Variants in GPAT3 observed in about 807,000 individuals in gnomAD.
GPAT3 encodes the protein 1-AGP acyltransferase 9.
Under a neutral mutation model 58.8 loss-of-function variants are expected in GPAT3, and 53 were observed. The ratio of observed to expected loss-of-function variants is 0.90; its 90% confidence interval spans 0.72 to 1.13. The LOEUF (loss-of-function observed/expected upper bound fraction) is 1.13, where lower values mean the gene tolerates loss of function less well. GPAT3 is among the 50% of genes most tolerant of loss of function. GPAT3 has a pLI of 0.00. For synonymous variants in GPAT3, 197 were observed against 187.4 expected, an observed-to-expected ratio of 1.05 and a Z score of -0.42; for missense variants, 511 against 527.6, an observed-to-expected ratio of 0.97 and a Z score of 0.31.
chr4:83,585,276 A>G (rs544890933), intron 3 of GPAT3, among the ~76,000 whole-genome samples: 1 of 150,908 alleles, frequency 6.6e-6, no homozygotes, highest in African/African-American at 2.4e-5. Context: ...TTGTAATAGT[A>G]TTAATTATAT....
At chr4:83,542,381 G>A (rs962960238) in intron 1 of GPAT3, among the ~76,000 whole-genome samples, 9 of 152,262 alleles carry the variant, frequency 5.9e-5, no homozygotes, top group South Asian at 2.1e-4. Context: ...CACTAAATCC[G>A]CAAAAGATAA....
chr4:83,595,137 C>T, intron 7 of GPAT3, 177 bp downstream of exon 7: 1 of 539,438 alleles, frequency 1.9e-6, no homozygotes, highest in East Asian at 3.2e-5. Context: ...AAATGTAATT[C>T]TGTAGTCATG....
rs755564604 is a variant in GPAT3 at position 83,581,662 on chromosome 4, A to AT, written c.311dup (p.Leu104PhefsTer8). 5.0e-6 allele frequency: 8 copies of AT among 1,613,996 alleles called. No individual in the cohort carries two copies. Among genetic ancestry groups the AT allele is most frequent in the Non-Finnish European group, 6.8e-6 (8 of 1,180,026 alleles). On this transcript the variant is annotated frameshift_variant, in exon 3 of 12. Coordinates refer to ENST00000264409, the MANE Select transcript of GPAT3 (RefSeq NM_032717.5). LOFTEE classifies it high-confidence loss of function. ...ACGTGTTTTATTTCTCCAAGAAGGG[A>AT]TTGGAAGCCATTGTAGAAGATGAAG... is the stretch of plus-strand genomic sequence containing the variant.
chr4:83,547,503 C>T (rs139756909), intron 2 of GPAT3, among the ~76,000 whole-genome samples: 89,116 of 150,724 alleles, frequency 0.59, 27,483 homozygotes, highest in African/African-American at 0.77. Context: ...CTGCCCACCT[C>T]GGCCTCCCAA....
At chr4:83,598,878 C>T (rs113249035) in intron 11 of GPAT3, among the ~76,000 whole-genome samples, 155 bp downstream of exon 11, 12 of 144,018 alleles carry the variant, frequency 8.3e-5, no homozygotes, top group East Asian at 4.3e-4. Flanking sequence ...TAGCCTTGAC[C>T]GCCTGGGCTC....
At chr4:83,585,064 C>A (rs1329249929) in intron 3 of GPAT3, among the ~76,000 whole-genome samples, 2 of 152,028 alleles carry the variant, frequency 1.3e-5, no homozygotes, top group Non-Finnish European at 2.9e-5. Context: ...CTCATTGGGG[C>A]AAGATGGCAA....
In GPAT3 at chr4:83,536,432, G is replaced by A; in HGVS notation, c.-191G>A. 2.9e-6 allele frequency: 4 copies of A among 1,386,914 alleles called. No individual in the cohort carries two copies. In the East Asian group the frequency reaches 8.0e-5, roughly 28 times the overall value. The allele number at this position is 1,386,914 out of a possible 1,614,324, so 85.9% of individuals were successfully genotyped here. ...AAGAGTTAACTGGCAGGGGCGAGGA[G>A]GAGCCCAGGGAGGAAGGAAGGATAT... On this transcript the variant is annotated 5_prime_UTR_variant, in exon 1 of 12. Transcript: ENST00000264409.
At chr4:83,590,507 T>A (rs1452266875) in intron 6 of GPAT3, among the ~76,000 whole-genome samples, 1 of 152,224 alleles carries the variant, frequency 6.6e-6, no homozygotes, top group Non-Finnish European at 1.5e-5. Flanking sequence ...GGTAAAAAAT[T>A]AACTTACTGA....
intron 2 of GPAT3, among the ~76,000 whole-genome samples, chr4:83,549,404 G>A (rs1022457883): frequency 3.3e-5 from 5 of 151,454 alleles, no homozygotes; most frequent in Non-Finnish European, 5.9e-5. Flanking sequence ...CAGTTATGGG[G>A]TTGGAAGGAT....
chr4:83,578,913 CTTT>C (rs1275085547), intron 2 of GPAT3, among the ~76,000 whole-genome samples: 2 of 86,570 alleles, frequency 2.3e-5, no homozygotes, highest in Admixed American at 1.3e-4. Flanking sequence ...TTTCTTTTTT[CTTT>C]TTTCTTTTCT....
At chr4:83,603,513 G>A (rs867736594) in intron 11 of GPAT3, among the ~76,000 whole-genome samples, 1 of 152,108 alleles carries the variant, frequency 6.6e-6, no homozygotes, top group South Asian at 2.1e-4. Context: ...TTGTTAGACC[G>A]GGCACGGTGG....
chr4:83,557,071 C>A (rs1724968929), intron 2 of GPAT3, among the ~76,000 whole-genome samples: 1 of 152,136 alleles, frequency 6.6e-6, no homozygotes, highest in African/African-American at 2.4e-5. Context: ...GATCTAATTA[C>A]CTCCCAGAGG....
intron 1 of GPAT3, among the ~76,000 whole-genome samples, chr4:83,542,422 A>G (rs1320830426): frequency 6.6e-6 from 1 of 152,236 alleles, no homozygotes; most frequent in African/African-American, 2.4e-5. Context: ...ACCGAGTCTT[A>G]TGATTTAGTC....
intron 2 of GPAT3, among the ~76,000 whole-genome samples, chr4:83,571,707 CATATATATACACACACATAT>C (rs1475715377): frequency 2.0e-5 from 3 of 150,592 alleles, no homozygotes; most frequent in African/African-American, 7.3e-5. Flanking sequence ...TACACACACA[CATATATATACACACACATAT>C]ATATATATAC....
chr4:83,556,359 A>G (rs1025575146), intron 2 of GPAT3, among the ~76,000 whole-genome samples: 2 of 152,128 alleles, frequency 1.3e-5, no homozygotes, highest in African/African-American at 4.8e-5. Flanking sequence ...ATAGCCGGAT[A>G]TGGTGGTGCA....
chr4:83,580,791 A>G (rs1726083410), intron 2 of GPAT3, among the ~76,000 whole-genome samples: 1 of 152,110 alleles, frequency 6.6e-6, no homozygotes, highest in African/African-American at 2.4e-5. Flanking sequence ...TTCTTATTAA[A>G]TAATTTTCAT....
intron 2 of GPAT3, among the ~76,000 whole-genome samples, chr4:83,566,548 A>C (rs1326412293): frequency 6.6e-6 from 1 of 151,372 alleles, no homozygotes; most frequent in Non-Finnish European, 1.5e-5. Flanking sequence ...CTGGGATTAC[A>C]GGTGTGAGCC....
intron 2 of GPAT3, among the ~76,000 whole-genome samples, chr4:83,548,712 T>C (rs1210280079): frequency 6.6e-6 from 1 of 152,066 alleles, no homozygotes; most frequent in Admixed American, 6.5e-5. Context: ...CATGCCCTGC[T>C]CCAGCGGCAC....
chr4:83,542,721 G>T (rs964125423), intron 1 of GPAT3, among the ~76,000 whole-genome samples: 5 of 152,164 alleles, frequency 3.3e-5, no homozygotes. Context: ...CTCTGGGCTG[G>T]GTGCAGTGGG....
Sources: allele counts gnomAD v4.1 joint callset (sites outside exome capture counted in the v4.1 genomes callset), GRCh38; gene constraint gnomAD v4.1.1; transcripts MANE v1.5; gene names NCBI Gene and HGNC (gene_info 2026-07-23, HGNC 2026-07-21).